Variants in EPHB6 observed in about 807,000 individuals in gnomAD.
The protein encoded by EPHB6 is ephrin type-B receptor 6.
EPHB6 carries 51 observed loss-of-function variants against 107.0 expected under a neutral mutation model. The observed-to-expected ratio is 0.48, with a 90% CI of 0.38 to 0.60. EPHB6 has a LOEUF of 0.60. Among genes scored for constraint, EPHB6 ranks in the 20% least tolerant of loss-of-function variants. The pLI, the probability that EPHB6 is intolerant of heterozygous loss-of-function variation, is 0.00. For synonymous variants in EPHB6, 553 were observed against 549.0 expected, an observed-to-expected ratio of 1.01 and a Z score of -0.10; for missense variants, 1,141 against 1,355.5, an observed-to-expected ratio of 0.84 and a Z score of 2.48.
At chr7:142,870,072 G>A in intron 17 of EPHB6, 106 bp downstream of exon 17, 2 of 1,592,258 alleles carry the variant, frequency 1.3e-6, no homozygotes, top group Admixed American at 3.3e-5. Flanking sequence ...AGATCTCATG[G>A]CTGTTGGATT....
At position 142,870,974 on chromosome 7, in the gene EPHB6, T is replaced by C; in HGVS notation, c.*70T>C. ...GGGACATGTGGGACGTGAGCCGGGC[T>C]CCAACAGCCTCTGTGAGAGATGCCC... On this transcript the variant is annotated 3_prime_UTR_variant, in exon 20 of 20. Transcript: ENST00000652003. The C allele has an allele frequency of 6.9e-7, 1 of 1,446,386 alleles. No homozygotes were observed. Among genetic ancestry groups the C allele is most frequent in the Non-Finnish European group, 9.4e-7 (1 of 1,058,748 alleles). 89.6% of individuals were successfully genotyped at this position (1,446,386 alleles called of 1,614,324 possible).
In EPHB6 at chr7:142,866,403, C is replaced by T; in HGVS notation, c.1463-78C>T. On this transcript the variant is annotated intron_variant, in intron 9 of 19. Transcript: ENST00000652003. This position sits in a 1 kb window ranked among gnomAD's most constrained non-coding sequence, Gnocchi z 5.2. Reference sequence around the variant, plus strand: ...ACTCCTGATCTCCAGCCTGGTCCACCCCTGCCGCCCTCCCCTCAAGGCTGA... The same window carrying T: ...ACTCCTGATCTCCAGCCTGGTCCACTCCTGCCGCCCTCCCCTCAAGGCTGA... 3 of 1,612,114 alleles carry T rather than the reference C, an allele frequency of 1.9e-6. No homozygotes were observed. Among genetic ancestry groups the T allele is most frequent in the Non-Finnish European group, 2.5e-6 (3 of 1,179,502 alleles).
chr7:142,870,563 G>C lies in EPHB6; in HGVS notation c.2838G>C (p.Leu946=), dbSNP rs1794866673. The change falls in exon 19 of 20, where the codon CTG becomes CTC. Residue 946 remains leucine, a synonymous_variant. Coordinates refer to ENST00000652003, the MANE Select transcript of EPHB6 (RefSeq NM_004445.6). Reference sequence around the variant, plus strand: ...AGGCCCTTCTGACCCCTGTGGCCCTGGACTTTCCTTGTCTGGACTCACCCC... The same window carrying C: ...AGGCCCTTCTGACCCCTGTGGCCCTCGACTTTCCTTGTCTGGACTCACCCC... ...PSQALLTPVA[L]DFPCLDSPQA... is the part of the protein sequence containing the mutation. 5 of 1,614,128 alleles carry C rather than the reference G, an allele frequency of 3.1e-6. No individual in the cohort carries two copies. The highest frequency in any genetic ancestry group is 4.2e-6 in the Non-Finnish European group (5 of 1,180,058).
Position 142,867,241 on chromosome 7 carries a change from G to A in EPHB6, c.1750+173G>A, listed in dbSNP as rs1794649178. On this transcript the variant is annotated intron_variant, in intron 11 of 19. Coordinates refer to ENST00000652003, the MANE Select transcript of EPHB6 (RefSeq NM_004445.6). This position sits in a 1 kb window ranked among gnomAD's most constrained non-coding sequence, Gnocchi z 5.3. ...TGACCTAGGGGCTACTCGGGGAGGT[G>A]GGGAATTGTAGGGGTATGTATGCAT... The A allele has an allele frequency of 1.3e-6, 1 of 790,136 alleles. No individual in the cohort carries two copies. Among genetic ancestry groups the A allele is most frequent in the Non-Finnish European group, 2.0e-6 (1 of 505,590 alleles). 48.9% of individuals were successfully genotyped at this position (790,136 alleles called of 1,614,324 possible).
intron 1 of EPHB6, among the ~76,000 whole-genome samples, 196 bp from the exon 2 acceptor site, chr7:142,860,856 T>C (rs982565195): frequency 6.6e-6 from 1 of 152,192 alleles, no homozygotes; most frequent in Non-Finnish European, 1.5e-5. Context: ...AATCAAATTA[T>C]GATTTTCATA....
At chr7:142,856,164 C>T (rs1278099847) in intron 1 of EPHB6, among the ~76,000 whole-genome samples, 4 of 152,190 alleles carry the variant, frequency 2.6e-5, no homozygotes, top group Non-Finnish European at 5.9e-5. Flanking sequence ...GCCCTCCGCC[C>T]GCCAGGGGAA....
At position 142,867,699 on chromosome 7, in the gene EPHB6, C is replaced by T. The variant is rs140313201; in HGVS notation, c.1842C>T (p.Thr614=). ...CCTTCCTCCTGCTGGCAGCCATCACCGTGCTGGCGGTCGTCTTCCAGCGGT... is the reference window on the plus strand; with the variant it reads ...CCTTCCTCCTGCTGGCAGCCATCACTGTGCTGGCGGTCGTCTTCCAGCGGT... ...ALAFLLLAAI[T]VLAVVFQRKR... is the part of the protein sequence containing the mutation. Residue 614 remains threonine (T), a synonymous_variant, in exon 12 of 20, where the codon ACC becomes ACT. Coordinates refer to ENST00000652003, the MANE Select transcript of EPHB6 (RefSeq NM_004445.6). This position sits in a 1 kb window ranked among gnomAD's most constrained non-coding sequence, Gnocchi z 5.3. The T allele has an allele frequency of 1.0e-4, 165 of 1,612,656 alleles. No homozygotes were observed. The highest frequency in any genetic ancestry group is 7.5e-4 in the Admixed American group (45 of 59,896).
Position 142,865,571 on chromosome 7 carries a change from G to A in EPHB6, c.1046G>A (p.Cys349Tyr). 6.2e-7 allele frequency: 1 copy of A among 1,613,722 alleles called. No homozygotes were observed. Among genetic ancestry groups the A allele is most frequent in the Non-Finnish European group, 8.5e-7 (1 of 1,180,000 alleles). Residue 349 changes from cysteine to tyrosine, a missense_variant, in exon 8 of 20, where the codon TGC becomes TAC. Cys to Tyr is a radical substitution (Grantham distance 194). Coordinates refer to ENST00000652003, the MANE Select transcript of EPHB6 (RefSeq NM_004445.6). ...SHAPNPAAPV[C>Y]PCLEGFYRAS... Reference sequence around the variant, plus strand: ...GCTCCCAACCCAGCAGCCCCCGTTTGCCCCTGCCTGGAGGGCTTCTACCGG... The same window carrying A: ...GCTCCCAACCCAGCAGCCCCCGTTTACCCCTGCCTGGAGGGCTTCTACCGG...
rs1348324090 is a variant in EPHB6, at chr7:142,870,286, A to G, written c.2683A>G (p.Met895Val). The G allele has an allele frequency of 5.0e-6, 8 of 1,614,198 alleles. No individual in the cohort carries two copies. The highest frequency in any genetic ancestry group is 5.9e-6 in the Non-Finnish European group (7 of 1,180,038). Residue 895 changes from methionine (M) to valine (V), a missense_variant, in exon 18 of 20, where the codon ATG (methionine) becomes GTG (valine). By Grantham distance (21) the Met-to-Val change is conservative (BLOSUM62 1). Around this residue, in one of 3 missense-constraint regions of EPHB6, gnomAD observed 616 missense variants for 759.3 expected, o/e 0.81. Coordinates refer to ENST00000652003, the MANE Select transcript of EPHB6 (RefSeq NM_004445.6). Reference protein sequence around the residue: ...PGCPPGLHLLMLDTWQKDRAR... With the variant: ...PGCPPGLHLLVLDTWQKDRAR... ...CTGTCCTCCTGGATTACATCTACTT[A>G]TGTTGGACACTTGGCAGAAGGACCG...
chr7:142,867,258 T>C lies in EPHB6; in HGVS notation c.1750+190T>C. 1 of 686,844 alleles carries C rather than the reference T, an allele frequency of 1.5e-6. No individual in the cohort carries two copies. Among genetic ancestry groups the C allele is most frequent in the East Asian group, 2.7e-5 (1 of 36,880 alleles). 42.5% of individuals were successfully genotyped at this position (686,844 alleles called of 1,614,324 possible). A position where few individuals can be genotyped will look rare whatever the true frequency, so the allele number is the denominator to read the frequency against. ...GGGGAGGTGGGGAATTGTAGGGGTA[T>C]GTATGCATGTTGAGTGTGGATATAG... On this transcript the variant is annotated intron_variant, in intron 11 of 19. Transcript: ENST00000652003. The surrounding 1 kb of genome is among the most constrained non-coding windows in gnomAD (Gnocchi z 5.3).
intron 2 of EPHB6, 33 bp from the exon 3 acceptor site, chr7:142,861,984 A>G (rs1166434438): frequency 6.6e-6 from 1 of 152,242 alleles, no homozygotes; most frequent in African/African-American, 2.4e-5. Context: ...TAGACCTAGT[A>G]GCTTATACAC....
intron 2 of EPHB6, among the ~76,000 whole-genome samples, chr7:142,861,447 C>CAATGAAAGTT (rs2116396539): frequency 6.6e-6 from 1 of 152,320 alleles, no homozygotes; most frequent in South Asian, 2.1e-4. Context: ...AATGAGAATA[C>CAATGAAAGTT]AATGAAAGTT....
chr7:142,863,200 G>T lies in EPHB6; in HGVS notation c.-28G>T. 1 of 1,607,222 alleles carries T rather than the reference G, an allele frequency of 6.2e-7. No homozygotes were observed. On this transcript the variant is annotated 5_prime_UTR_variant, in exon 5 of 20. Transcript: ENST00000652003. ...ACCCAGGAGCAGGGTGGTGGCTGGG[G>T]CGATGGTGGACGCCCTGAAGATGTC...
At chr7:142,870,773 T>C in intron 19 of EPHB6, 23 bp from the exon 20 acceptor site, 3 of 1,614,028 alleles carry the variant, frequency 1.9e-6, no homozygotes, top group East Asian at 2.2e-5. Context: ...TGGCCCAGAT[T>C]TGATCCCTTC....
rs762398312 is a variant in EPHB6, at chr7:142,865,534, G to A, written c.1009G>A (p.Ala337Thr). The A allele has an allele frequency of 3.7e-6, 6 of 1,613,330 alleles. No homozygotes were observed. The highest frequency in any genetic ancestry group is 4.5e-5 in the East Asian group (2 of 44,836). ...AGNAPCSPCP[A>T]RSHAPNPAAP... ...GAATGCTCCCTGCTCACCATGCCCT[G>A]CCCGCAGTCACGCTCCCAACCCAGC... The change falls in exon 8 of 20, where the codon GCC (alanine) becomes ACC (threonine). Residue 337 changes from alanine to threonine, a missense_variant. Coordinates refer to ENST00000652003, the MANE Select transcript of EPHB6 (RefSeq NM_004445.6).
chr7:142,870,595 G>C lies in EPHB6; in HGVS notation c.2870G>C (p.Trp957Ser). 6.2e-7 allele frequency: 1 copy of C among 1,614,268 alleles called. No homozygotes were observed. Among genetic ancestry groups the C allele is most frequent in the Non-Finnish European group, 8.5e-7 (1 of 1,180,052 alleles). The change falls in exon 19 of 20, where the codon TGG becomes TCG. Residue 957 changes from tryptophan to serine, a missense_variant. This residue lies in a region of EPHB6 where 616 missense variants were observed against 759.3 expected (regional missense o/e 0.81). Transcript: ENST00000652003. ...CCTTGTCTGGACTCACCCCAGGCCT[G>C]GCTTTCAGCCATTGGACTGGAGTGC... ...DFPCLDSPQAWLSAIGLECYQ... is the reference protein window; with the variant it reads ...DFPCLDSPQASLSAIGLECYQ...
intron 5 of EPHB6, 141 bp downstream of exon 5, chr7:142,863,468 C>T: frequency 8.5e-7 from 1 of 1,175,702 alleles, no homozygotes; most frequent in Non-Finnish European, 1.3e-6. Context: ...TGAAGACCCA[C>T]ATCAGATTTG....
intron 7 of EPHB6, 80 bp downstream of exon 7, chr7:142,864,829 A>C: frequency 6.5e-7 from 1 of 1,541,384 alleles, no homozygotes; most frequent in South Asian, 1.1e-5. Flanking sequence ...AACACCCCAA[A>C]ATTCATTTTA....
rs1794844487 is a variant in EPHB6 at position 142,870,342 on chromosome 7, G to A, written c.2739G>A (p.Val913=). The change falls in exon 18 of 20, where the codon GTG becomes GTA. Residue 913 remains valine, a synonymous_variant. Coordinates refer to ENST00000652003, the MANE Select transcript of EPHB6 (RefSeq NM_004445.6). The stretch of plus-strand genomic sequence containing the variant: ...GGCGGCCTCATTTTGACCAGCTGGT[G>A]GCTGCATTTGACAAGATGATCCGCA... The part of the protein sequence containing the change: ...RARRPHFDQL[V]AAFDKMIRKP... 1 of 1,614,128 alleles carries A rather than the reference G, an allele frequency of 6.2e-7. No individual in the cohort carries two copies. Among genetic ancestry groups the A allele is most frequent in the African/African-American group, 1.3e-5 (1 of 74,942 alleles).
Sources: allele counts gnomAD v4.1 joint callset (sites outside exome capture counted in the v4.1 genomes callset), GRCh38; gene constraint gnomAD v4.1.1; regional missense constraint gnomAD v4.1.1; non-coding constraint Gnocchi (gnomAD v3.1); transcripts MANE v1.5; gene names NCBI Gene and HGNC (gene_info 2026-07-23, HGNC 2026-07-21).